Variants in PINX1 observed in about 807,000 individuals in gnomAD.
The protein encoded by PINX1 is PIN2/TERF1-interacting telomerase inhibitor 1.
PINX1 carries 34 observed loss-of-function variants against 25.4 expected under a neutral mutation model. That is an observed-to-expected ratio of 1.34 (90% confidence interval 1.02 to 1.78). The LOEUF (loss-of-function observed/expected upper bound fraction) is 1.78, where lower values mean the gene tolerates loss of function less well. Ranked by LOEUF, PINX1 falls within the 40% of genes most tolerant of loss-of-function variation. PINX1 has a pLI of 0.00. For missense variants in PINX1, 592 were observed against 404.9 expected (o/e 1.46, Z -3.97); for synonymous variants, 197 against 147.7 (o/e 1.33, Z -2.42).
chr8:10,825,861 G>A (rs1798021900), intron 5 of PINX1, among the ~76,000 whole-genome samples: 1 of 152,216 alleles, frequency 6.6e-6, no homozygotes, highest in South Asian at 2.1e-4. Context: ...GCTACATAAA[G>A]TCCCGTTTTC....
chr8:10,774,670 T>C (rs894705440), intron 6 of PINX1, among the ~76,000 whole-genome samples: 7 of 152,384 alleles, frequency 4.6e-5, no homozygotes, highest in East Asian at 1.9e-4. Flanking sequence ...TAGTCATGAT[T>C]GTTTATAAAA....
At chr8:10,773,119 T>C (rs572349376) in intron 6 of PINX1, among the ~76,000 whole-genome samples, 1 of 152,376 alleles carries the variant, frequency 6.6e-6, no homozygotes, top group Non-Finnish European at 1.5e-5. Context: ...AAATATTTAC[T>C]GAATAAATGT....
chr8:10,780,357 A>G (rs1027429924), intron 6 of PINX1, among the ~76,000 whole-genome samples: 2 of 152,160 alleles, frequency 1.3e-5, no homozygotes, highest in Non-Finnish European at 2.9e-5. Context: ...TGGGTTTTTC[A>G]TAAGTGGCCT....
chr8:10,794,627 A>T (rs1224159209), intron 6 of PINX1, among the ~76,000 whole-genome samples: 1 of 152,068 alleles, frequency 6.6e-6, no homozygotes, highest in African/African-American at 2.4e-5. Flanking sequence ...GGGTTTCACC[A>T]TGTTGACCAG....
intron 1 of PINX1, among the ~76,000 whole-genome samples, chr8:10,839,043 AGCATGACT>A (rs1424012100): frequency 6.6e-6 from 1 of 152,210 alleles, no homozygotes; most frequent in Admixed American, 6.5e-5. Context: ...TCAGGATCAA[AGCATGACT>A]GCCATCTGGC....
chr8:10,794,435 C>T (rs1296003649), intron 6 of PINX1, among the ~76,000 whole-genome samples: 1 of 151,818 alleles, frequency 6.6e-6, no homozygotes, highest in African/African-American at 2.4e-5. Flanking sequence ...TCGCCTGTTG[C>T]TACCTTTTTT....
intron 6 of PINX1, among the ~76,000 whole-genome samples, chr8:10,775,928 G>T (rs555183861): frequency 2.1e-5 from 3 of 139,680 alleles, no homozygotes; most frequent in African/African-American, 3.4e-5. Flanking sequence ...TGGCTGCAGC[G>T]GGGTGGGGGC....
chr8:10,826,399 G>A (rs1245354348), intron 4 of PINX1, among the ~76,000 whole-genome samples, 155 bp from the exon 5 acceptor site: 3 of 152,138 alleles, frequency 2.0e-5, no homozygotes, highest in Admixed American at 6.5e-5. Flanking sequence ...CCCTTCTGCT[G>A]GATCTCTGTT....
intron 1 of PINX1, among the ~76,000 whole-genome samples, chr8:10,835,458 G>A (rs538939928): frequency 6.6e-6 from 1 of 152,156 alleles, no homozygotes; most frequent in South Asian, 2.1e-4. Context: ...TATGCTCTTG[G>A]GGAGAGTCAA....
intron 6 of PINX1, among the ~76,000 whole-genome samples, chr8:10,774,049 C>G (rs1801311845): frequency 6.6e-6 from 1 of 152,196 alleles, no homozygotes; most frequent in Non-Finnish European, 1.5e-5. Context: ...CCCCTGCTCT[C>G]CAGAGGCAGG....
chr8:10,807,732 C>T (rs1802499013), intron 6 of PINX1, among the ~76,000 whole-genome samples: 1 of 152,188 alleles, frequency 6.6e-6, no homozygotes, highest in African/African-American at 2.4e-5. Context: ...TATACCCAGA[C>T]CATCTGCCAC....
chr8:10,818,422 A>C (rs1797766448), intron 6 of PINX1, among the ~76,000 whole-genome samples: 1 of 152,216 alleles, frequency 6.6e-6, no homozygotes, highest in Non-Finnish European at 1.5e-5. Context: ...CTCAAACAGA[A>C]ATCTGCCAGA....
intron 6 of PINX1, among the ~76,000 whole-genome samples, chr8:10,773,484 A>T (rs944302382): frequency 6.6e-6 from 1 of 152,230 alleles, no homozygotes; most frequent in African/African-American, 2.4e-5. Context: ...AATATCAGGC[A>T]TCAGAACTCC....
intron 6 of PINX1, among the ~76,000 whole-genome samples, chr8:10,767,476 G>C (rs1801090900): frequency 6.6e-6 from 1 of 152,084 alleles, no homozygotes; most frequent in Non-Finnish European, 1.5e-5. Flanking sequence ...TAAATCAACT[G>C]AGTTTTGGGA....
intron 6 of PINX1, among the ~76,000 whole-genome samples, chr8:10,809,287 G>A (rs563833209): frequency 6.6e-6 from 1 of 152,274 alleles, no homozygotes; most frequent in East Asian, 1.9e-4. Context: ...CCAATAAAGA[G>A]AAAGAACAAA....
intron 5 of PINX1, among the ~76,000 whole-genome samples, chr8:10,821,631 C>T (rs911992874): frequency 5.3e-5 from 8 of 152,166 alleles, no homozygotes; most frequent in African/African-American, 1.2e-4. Flanking sequence ...CTGGTTGTAG[C>T]GGGAAGAGGT....
chr8:10,821,016 C>G (rs1468632019), intron 5 of PINX1, among the ~76,000 whole-genome samples: 2 of 152,356 alleles, frequency 1.3e-5, no homozygotes, highest in East Asian at 1.9e-4. Flanking sequence ...GGAATTTCCA[C>G]TTCTACCCAA....
intron 6 of PINX1, among the ~76,000 whole-genome samples, chr8:10,768,231 A>G: frequency 6.6e-6 from 1 of 152,302 alleles, no homozygotes; most frequent in South Asian, 2.1e-4. Flanking sequence ...GCACTACAGG[A>G]GCCTGCAGTC....
At chr8:10,806,700 G>T (rs1453519617) in intron 6 of PINX1, among the ~76,000 whole-genome samples, 1 of 152,234 alleles carries the variant, frequency 6.6e-6, no homozygotes, top group East Asian at 1.9e-4. Context: ...ACATGTGAGG[G>T]AACAGAAGGT....
Sources: gnomAD v4.1 joint callset for allele counts (sites outside exome capture counted in the v4.1 genomes callset) on GRCh38, gnomAD v4.1.1 for gene constraint, MANE v1.5 for transcripts, NCBI Gene and HGNC (gene_info 2026-07-23, HGNC 2026-07-21) for gene names.